Variants in TG observed in about 807,000 individuals in gnomAD.
TG encodes the protein thyroglobulin.
Under a neutral mutation model 324.7 loss-of-function variants are expected in TG, and 270 were observed. That is an observed-to-expected ratio of 0.83 (90% CI 0.75 to 0.92). TG has a LOEUF of 0.92. Among genes scored for constraint, TG ranks in the 40% least tolerant of loss-of-function variants. The probability of loss-of-function intolerance (pLI) is 0.00; values close to 1 mark genes in which losing one functional copy is unlikely to be tolerated. For synonymous variants in TG, 1,401 were observed against 1,327.0 expected, an observed-to-expected ratio of 1.06 and a Z score of -1.21; for missense variants, 3,591 against 3,456.4, an observed-to-expected ratio of 1.04 and a Z score of -0.98.
chr8:132,957,507 C>T (rs1401905785), intron 27 of TG, among the ~76,000 whole-genome samples: 2 of 152,168 alleles, frequency 1.3e-5, no homozygotes, highest in Admixed American at 1.3e-4. Flanking sequence ...TAATTTTTGA[C>T]ATTATGTAAA....
intron 35 of TG, chr8:132,994,603 G>T: frequency 3.6e-6 from 4 of 1,106,684 alleles, no homozygotes; most frequent in African/African-American, 3.3e-5. Context: ...TTTTTTAAAT[G>T]ATCCTTCAGT....
intron 40 of TG, among the ~76,000 whole-genome samples, chr8:133,022,695 T>C (rs1437704284): frequency 6.6e-6 from 1 of 152,160 alleles, no homozygotes; most frequent in East Asian, 1.9e-4. Context: ...ATGGCCTCCA[T>C]CTTCCCCACT....
intron 40 of TG, among the ~76,000 whole-genome samples, chr8:133,022,441 A>T (rs1371617477): frequency 1.3e-5 from 2 of 152,136 alleles, no homozygotes; most frequent in African/African-American, 4.8e-5. Flanking sequence ...TTAAAGAGGA[A>T]ATTGAGGCCC....
chr8:132,902,315 A>G (rs915431992), intron 16 of TG, among the ~76,000 whole-genome samples: 6 of 152,136 alleles, frequency 3.9e-5, no homozygotes, highest in Non-Finnish European at 8.8e-5. Flanking sequence ...TCTAATCTCT[A>G]AGCAACATTT....
chr8:133,018,989 G>GTTT (rs1835312403), intron 38 of TG, among the ~76,000 whole-genome samples: 1 of 152,260 alleles, frequency 6.6e-6, no homozygotes, highest in African/African-American at 2.4e-5. Context: ...GAATTAAAGT[G>GTTT]CCTTACCATG....
chr8:132,898,714 C>G, intron 13 of TG, 84 bp from the exon 14 acceptor site: 1 of 1,173,860 alleles, frequency 8.5e-7, no homozygotes, highest in Admixed American at 1.8e-5. Flanking sequence ...GGCTCATGAC[C>G]CTTAAAGGTG....
At chr8:132,902,085 C>G (rs933884535) in intron 16 of TG, among the ~76,000 whole-genome samples, 2 of 152,070 alleles carry the variant, frequency 1.3e-5, no homozygotes, top group African/African-American at 4.8e-5. Flanking sequence ...TCCAATCTCT[C>G]AAGTCACAGG....
At position 132,887,561 on chromosome 8, in the gene TG, G is replaced by C. The variant is rs376520283; in HGVS notation, c.2176+13G>C. On this transcript the variant is annotated intron_variant, in intron 9 of 47. Transcript: ENST00000220616. ...AAGCCCAAGAAATGTAAGTCTGTTG[G>C]GTATTCAATCTGTAGGTTCCCTGAG... 1.5e-5 allele frequency: 24 copies of C among 1,614,124 alleles called. No homozygotes were observed. The African/African-American group carries it at 3.1e-4, about 21-fold the overall frequency.
rs567728428 is a variant in TG at position 132,980,034 on chromosome 8, G to T, written c.6200-3316G>T. On this transcript the variant is annotated intron_variant, in intron 34 of 47. Coordinates refer to ENST00000220616, the MANE Select transcript of TG (RefSeq NM_003235.5). ...TTACTAATTAAGTTTTATTATAAAGGATACAACTCAGAAACAGCCAAAAGG... is the reference window on the plus strand; with the variant it reads ...TTACTAATTAAGTTTTATTATAAAGTATACAACTCAGAAACAGCCAAAAGG... Among the ~76,000 whole-genome samples the T allele has an allele frequency of 7.0e-4, 107 of 152,172 alleles. 1 individual carries two copies. The South Asian group carries it at 7.9e-3, about 11-fold the overall frequency.
intron 41 of TG, among the ~76,000 whole-genome samples, chr8:133,074,501 G>A (rs986294968): frequency 1.3e-5 from 2 of 152,204 alleles, no homozygotes; most frequent in Non-Finnish European, 2.9e-5. Context: ...GTCTGGAGAG[G>A]TTTAAATGAG....
At chr8:133,068,643 A>G (rs1441451848) in intron 41 of TG, among the ~76,000 whole-genome samples, 4 of 152,192 alleles carry the variant, frequency 2.6e-5, no homozygotes, top group African/African-American at 9.7e-5. Flanking sequence ...TCCGTGGCTC[A>G]CCACCACACT....
intron 21 of TG, among the ~76,000 whole-genome samples, chr8:132,922,864 A>G (rs1400806298): frequency 2.0e-5 from 3 of 152,200 alleles, no homozygotes; most frequent in Non-Finnish European, 4.4e-5. Context: ...ACCACCTGCT[A>G]ATACCGTCAC....
intron 39 of TG, among the ~76,000 whole-genome samples, chr8:133,019,918 G>A (rs373385635): frequency 4.6e-5 from 7 of 152,198 alleles, no homozygotes; most frequent in South Asian, 2.1e-4. Context: ...ATGGGCGTGT[G>A]CTTTTTCCAT....
intron 2 of TG, among the ~76,000 whole-genome samples, chr8:132,868,539 T>TG (rs1223280563): frequency 6.6e-6 from 1 of 151,988 alleles, no homozygotes; most frequent in East Asian, 1.9e-4. Flanking sequence ...GTGTGGGGAG[T>TG]GGGGCAGGTT....
chr8:133,065,701 G>A (rs1842938143), intron 41 of TG, among the ~76,000 whole-genome samples: 1 of 152,084 alleles, frequency 6.6e-6, no homozygotes, highest in Non-Finnish European at 1.5e-5. Flanking sequence ...GGCGGAGGTG[G>A]CAGTGAGTTG....
chr8:133,095,330 T>A (rs1385076656), intron 42 of TG, 122 bp downstream of exon 42: 1 of 1,370,792 alleles, frequency 7.3e-7, no homozygotes, highest in African/African-American at 1.4e-5. Context: ...GATGACCAAC[T>A]GGAGCTGGAA....
chr8:133,134,006 A>C (rs1852157434), intron 47 of TG, among the ~76,000 whole-genome samples: 1 of 152,236 alleles, frequency 6.6e-6, no homozygotes, highest in African/African-American at 2.4e-5. Flanking sequence ...CCTCATCCTC[A>C]CAGTCCTTGA....
At chr8:132,915,513 CGA>C (rs968619157) in intron 20 of TG, among the ~76,000 whole-genome samples, 8 of 152,054 alleles carry the variant, frequency 5.3e-5, no homozygotes, top group Non-Finnish European at 8.8e-5. Context: ...ACGGGGCTTC[CGA>C]GGGGCTGTGG....
At chr8:132,876,889 A>G (rs1813882694) in intron 5 of TG, among the ~76,000 whole-genome samples, 1 of 152,234 alleles carries the variant, frequency 6.6e-6, no homozygotes. Flanking sequence ...ATGACTAAAC[A>G]CACTCAAACT....
Sources: allele counts gnomAD v4.1 joint callset (sites outside exome capture counted in the v4.1 genomes callset), GRCh38; gene constraint gnomAD v4.1.1; transcripts MANE v1.5; gene names NCBI Gene and HGNC (gene_info 2026-07-23, HGNC 2026-07-21).